Variants in KIAA0753 observed in about 807,000 individuals in gnomAD.
The protein encoded by KIAA0753 is KIAA0753.
In KIAA0753, 114 loss-of-function variants were observed where a neutral mutation model predicts 116.9. That is an observed-to-expected ratio of 0.98 (90% CI 0.84 to 1.14). The LOEUF (loss-of-function observed/expected upper bound fraction) is 1.14, where lower values mean the gene tolerates loss of function less well. KIAA0753 is among the 50% of genes most tolerant of loss of function. The pLI is 0.00. For missense variants in KIAA0753, 1,156 were observed against 1,172.4 expected, an observed-to-expected ratio of 0.99 and a Z score of 0.20; for synonymous variants, 405 against 413.1, an observed-to-expected ratio of 0.98 and a Z score of 0.24.
chr17:6,631,531 C>T (rs1972020908), intron 2 of KIAA0753, among the ~76,000 whole-genome samples: 1 of 151,432 alleles, frequency 6.6e-6, no homozygotes, highest in South Asian at 2.1e-4. Flanking sequence ...AGTTTTAATA[C>T]AGACATATAG....
chr17:6,596,891 C>G (rs1969524428), intron 14 of KIAA0753, among the ~76,000 whole-genome samples: 1 of 152,188 alleles, frequency 6.6e-6, no homozygotes, highest in Non-Finnish European at 1.5e-5. Context: ...ATTTTACATG[C>G]TCTGTATTTC....
rs1969359721 is a variant in KIAA0753 at position 6,594,961 on chromosome 17, G to C, written c.2440+11C>G. On this transcript the variant is annotated intron_variant, in intron 16 of 18. Coordinates refer to ENST00000361413, the MANE Select transcript of KIAA0753 (RefSeq NM_014804.3). ...TAAAATGTTAGGGGAAAAACATGGG[G>C]AAACACTCACCATTGTTTTCTTCCT... 3 of 1,594,440 alleles carry C rather than the reference G, an allele frequency of 1.9e-6. No homozygotes were observed. The highest frequency in any genetic ancestry group is 2.6e-6 in the Non-Finnish European group (3 of 1,166,212).
chr17:6,591,918 G>C (rs1239045097), intron 16 of KIAA0753, among the ~76,000 whole-genome samples: 21 of 152,262 alleles, frequency 1.4e-4, no homozygotes, highest in Admixed American at 1.1e-3. Context: ...TGCTTTCAAA[G>C]AATCTGTGGC....
Position 6,635,007 on chromosome 17 carries a change from C to T in KIAA0753, c.93+4G>A. On this transcript the variant is annotated splice_donor_region_variant and intron_variant, in intron 2 of 18. Transcript: ENST00000361413. The stretch of plus-strand genomic sequence containing the variant: ...ATAAAAATCTCAGGCAAAAATAGAA[C>T]TACCTGGGTCTGAAGTACTTTGGGG... The T allele has an allele frequency of 6.4e-7, 1 of 1,562,216 alleles. No homozygotes were observed. Among genetic ancestry groups the T allele is most frequent in the East Asian group, 2.2e-5 (1 of 44,678 alleles).
chr17:6,595,191 G>T, intron 15 of KIAA0753, 138 bp from the exon 16 acceptor site: 1 of 635,336 alleles, frequency 1.6e-6, no homozygotes, highest in Non-Finnish European at 2.8e-6. Context: ...GTCAGGCCAG[G>T]AAGTAATTAG....
At position 6,633,339 on chromosome 17, in the gene KIAA0753, CGATAA is replaced by C. The variant is rs552661922; in HGVS notation, c.93+1667_93+1671del. ...TTTTTTTAAATTTCTTTGTACACCA[CGATAA>C]GATATTATTAAACACCCACCAGAAT... On this transcript the variant is annotated intron_variant, in intron 2 of 18. Coordinates refer to ENST00000361413, the MANE Select transcript of KIAA0753 (RefSeq NM_014804.3). Among the ~76,000 whole-genome samples the C allele has an allele frequency of 2.0e-3, 301 of 152,212 alleles. 1 individual carries two copies. Among genetic ancestry groups the C allele is most frequent in the African/African-American group, 6.6e-3 (276 of 41,510 alleles).
intron 11 of KIAA0753, 49 bp from the exon 12 acceptor site, chr17:6,607,011 A>T: frequency 6.4e-7 from 1 of 1,557,658 alleles, no homozygotes; most frequent in East Asian, 2.2e-5. Context: ...AGGCAGAGTC[A>T]GGGCTCCCTT....
rs1970020619 is a variant in KIAA0753 at position 6,603,748 on chromosome 17, C to CA, written c.2009+3124dup. On this transcript the variant is annotated intron_variant, in intron 12 of 18. Coordinates refer to ENST00000361413, the MANE Select transcript of KIAA0753 (RefSeq NM_014804.3). ...ACCCAGAAACACCAATAGGCACAGACAAAAAATAAGTCTTCAGTGCAAATA... is the reference window on the plus strand; with the variant it reads ...ACCCAGAAACACCAATAGGCACAGACAAAAAAATAAGTCTTCAGTGCAAATA... Among the ~76,000 whole-genome samples, 3 of 152,028 alleles carry CA rather than the reference C, an allele frequency of 2.0e-5. No homozygotes were observed. The South Asian group carries it at 6.2e-4, about 32-fold the overall frequency.
intron 18 of KIAA0753, among the ~76,000 whole-genome samples, chr17:6,589,211 G>A (rs529596936): frequency 1.3e-5 from 2 of 152,234 alleles, no homozygotes; most frequent in African/African-American, 4.8e-5. Context: ...AGGTCATGAG[G>A]GTGGAGGTCC....
At chr17:6,582,313 A>T (rs1968236723) in intron 18 of KIAA0753, among the ~76,000 whole-genome samples, 1 of 152,240 alleles carries the variant, frequency 6.6e-6, no homozygotes, top group Non-Finnish European at 1.5e-5. Context: ...AAAGTTATTT[A>T]GGCTTCATGC....
chr17:6,620,788 C>A lies in KIAA0753; in HGVS notation c.1315G>T (p.Asp439Tyr), dbSNP rs201642681. ...ACAATAAACACTTTAAGACACATACCGGCAAGAAGCTGCTTTGCTACAGAA... is the reference window on the plus strand; with the variant it reads ...ACAATAAACACTTTAAGACACATACAGGCAAGAAGCTGCTTTGCTACAGAA... ...RPSVAKQLLA[D>Y]KYQPDTELPE... The change falls in exon 7 of 19, where the codon GAT (aspartate) becomes TAT (tyrosine). Residue 439 changes from aspartate (D) to tyrosine (Y), a missense_variant and splice_region_variant. By Grantham distance (160) the Asp-to-Tyr change is radical. Transcript: ENST00000361413. 4 of 1,613,596 alleles carry A rather than the reference C, an allele frequency of 2.5e-6. No individual in the cohort carries two copies. The African/African-American group carries it at 4.0e-5, about 16-fold the overall frequency.
chr17:6,594,331 T>C (rs760363122), intron 16 of KIAA0753, among the ~76,000 whole-genome samples: 2 of 149,890 alleles, frequency 1.3e-5, no homozygotes, highest in African/African-American at 4.9e-5. Flanking sequence ...CCACCAAATA[T>C]GTGGCTTAAA....
At chr17:6,598,979 CTGT>C (rs1440194932) in intron 14 of KIAA0753, among the ~76,000 whole-genome samples, 4 of 152,230 alleles carry the variant, frequency 2.6e-5, no homozygotes, top group Non-Finnish European at 4.4e-5. Flanking sequence ...CACCCACACT[CTGT>C]TATCCAGAGG....
chr17:6,589,185 T>C (rs1382772924), intron 18 of KIAA0753, among the ~76,000 whole-genome samples: 1 of 152,106 alleles, frequency 6.6e-6, no homozygotes, highest in Non-Finnish European at 1.5e-5. Context: ...CTTTGGGAGA[T>C]AATTAGGTTT....
chr17:6,614,206 G>T (rs1274243987), intron 7 of KIAA0753, among the ~76,000 whole-genome samples: 1 of 152,192 alleles, frequency 6.6e-6, no homozygotes, highest in East Asian at 1.9e-4. Flanking sequence ...CAACTTGATT[G>T]TTCTGGTAAA....
chr17:6,605,955 G>A (rs771653712), intron 12 of KIAA0753, among the ~76,000 whole-genome samples: 11 of 152,184 alleles, frequency 7.2e-5, no homozygotes, highest in Non-Finnish European at 1.3e-4. Context: ...AAGGACAAGT[G>A]GGTAAGAGTC....
intron 18 of KIAA0753, among the ~76,000 whole-genome samples, chr17:6,585,206 A>G (rs2150731086): frequency 6.6e-6 from 1 of 152,340 alleles, no homozygotes; most frequent in East Asian, 1.9e-4. Flanking sequence ...TGGTGTTATT[A>G]AAAACAATAT....
In KIAA0753 at chr17:6,579,712, C is replaced by A; in HGVS notation, c.*35G>T. 1 of 1,429,128 alleles carries A rather than the reference C, an allele frequency of 7.0e-7. No individual in the cohort carries two copies. The highest frequency in any genetic ancestry group is 1.1e-5 in the South Asian group (1 of 87,270). The allele number at this position is 1,429,128 out of a possible 1,614,324, so 88.5% of individuals were successfully genotyped here. On this transcript the variant is annotated 3_prime_UTR_variant, in exon 19 of 19. Transcript: ENST00000361413. ...ACAAAGGGTGGTGCCATCCCTTCTC[C>A]AGTGTGACACAAATGGCCTCGCCTC...
chr17:6,602,601 G>T (rs1433528716), intron 12 of KIAA0753, among the ~76,000 whole-genome samples: 1 of 152,210 alleles, frequency 6.6e-6, no homozygotes, highest in Non-Finnish European at 1.5e-5. Flanking sequence ...AACTGCCTCC[G>T]TGAGGGATGG....
Sources: allele counts gnomAD v4.1 joint callset (sites outside exome capture counted in the v4.1 genomes callset), GRCh38; gene constraint gnomAD v4.1.1; transcripts MANE v1.5; gene names NCBI Gene and HGNC (gene_info 2026-07-23, HGNC 2026-07-21).